GRAMD1A: variants seen among roughly 807,000 people sequenced by gnomAD.
The protein encoded by GRAMD1A is protein Aster-A.
A neutral mutation model predicts 92.0 loss-of-function variants in GRAMD1A; 50 were observed. That is an observed-to-expected ratio of 0.54 (90% CI 0.43 to 0.69). The LOEUF (loss-of-function observed/expected upper bound fraction) is 0.69. Among genes scored for constraint, GRAMD1A ranks in the 30% least tolerant of loss-of-function variants. The pLI, the probability that GRAMD1A is intolerant of heterozygous loss-of-function variation, is 0.00. For missense variants in GRAMD1A, 819 were observed against 978.9 expected (o/e 0.84, Z 2.18); for synonymous variants, 405 against 403.6 (o/e 1.00, Z -0.04).
In GRAMD1A at chr19:35,009,829, T is replaced by C. The variant is rs576214439; in HGVS notation, c.241-59T>C. ...GACTGAGGGGGTTCCAGGAGCTTTG[T>C]GGGGCAGCATTGGGAGTGTGAACCC... On this transcript the variant is annotated intron_variant, in intron 3 of 19. Transcript: ENST00000317991. 5 of 1,004,194 alleles carry C rather than the reference T, an allele frequency of 5.0e-6. No individual in the cohort carries two copies. The South Asian group carries it at 5.1e-5, about 10-fold the overall frequency. 62.2% of individuals were successfully genotyped at this position (1,004,194 alleles called of 1,614,324 possible). A position where few individuals can be genotyped will look rare whatever the true frequency, so the allele number is the denominator to read the frequency against.
At chr19:35,014,558 G>A in intron 10 of GRAMD1A, 171 bp downstream of exon 10, 1 of 641,516 alleles carries the variant, frequency 1.6e-6, no homozygotes, top group Non-Finnish European at 2.8e-6. Flanking sequence ...AAGGCAGCAT[G>A]GCAGGGTGAA....
intron 11 of GRAMD1A, 34 bp from the exon 12 acceptor site, chr19:35,019,157 T>C (rs1212087797): frequency 3.6e-6 from 5 of 1,402,694 alleles, no homozygotes; most frequent in Non-Finnish European, 5.0e-6. Flanking sequence ...AGGACTGGGG[T>C]GTGGCCTCCT....
rs775888159 is a variant in GRAMD1A, at chr19:35,019,171, G to A, written c.1214-20G>A. The A allele has an allele frequency of 2.0e-6, 3 of 1,534,454 alleles. No homozygotes were observed. The highest frequency in any genetic ancestry group is 2.7e-6 in the Non-Finnish European group (3 of 1,112,864). On this transcript the variant is annotated intron_variant, in intron 11 of 19. Transcript: ENST00000317991. ...AAGGACTGGGGTGTGGCCTCCTCAT[G>A]CTGCTCCTCCCTCCTCTAGACGTGA...
At chr19:35,020,619 G>A (rs1231000518) in intron 13 of GRAMD1A, among the ~76,000 whole-genome samples, 2 of 144,924 alleles carry the variant, frequency 1.4e-5, no homozygotes, top group East Asian at 2.0e-4. Context: ...TGATCACACC[G>A]TTGCACTTCA....
Position 35,013,733 on chromosome 19 carries a change from G to A in GRAMD1A, c.870+42G>A, listed in dbSNP as rs201232202. 12 of 1,558,472 alleles carry A rather than the reference G, an allele frequency of 7.7e-6. No individual in the cohort carries two copies. The highest frequency in any genetic ancestry group is 8.8e-6 in the Non-Finnish European group (10 of 1,142,784). ...AAGAGGGGTGGGATACTGATAGGAA[G>A]AGAGAGGAGGGCTGGGGGTGCAGTG... On this transcript the variant is annotated intron_variant, in intron 9 of 19. Transcript: ENST00000317991. The surrounding 1 kb of genome is among the most constrained non-coding windows in gnomAD (Gnocchi z 4.9).
At chr19:35,006,054 A>G (rs549339346) in intron 1 of GRAMD1A, 5 of 448,772 alleles carry the variant, frequency 1.1e-5, no homozygotes, top group African/African-American at 1.0e-4. Context: ...GGCCAGGTGC[A>G]GTGGCTCACA....
chr19:35,009,414 T>A lies in GRAMD1A; in HGVS notation c.220-9T>A. 6.2e-7 allele frequency: 1 copy of A among 1,614,038 alleles called. No homozygotes were observed. Among genetic ancestry groups the A allele is most frequent in the Non-Finnish European group, 8.5e-7 (1 of 1,179,996 alleles). Reference sequence around the variant, plus strand: ...GGGCTCATCCTGACTCCTCTCCTTTTCTTTGCAGAAGATGCAGAGCTGGTA... The same window carrying A: ...GGGCTCATCCTGACTCCTCTCCTTTACTTTGCAGAAGATGCAGAGCTGGTA... On this transcript the variant is annotated splice_polypyrimidine_tract_variant and intron_variant, in intron 2 of 19. Transcript: ENST00000317991.
In GRAMD1A at chr19:35,014,251, G is replaced by A; in HGVS notation, c.933G>A (p.Val311=). The change falls in exon 10 of 20, where the codon GTG becomes GTA. Residue 311 remains valine, a synonymous_variant. Coordinates refer to ENST00000317991, the MANE Select transcript of GRAMD1A (RefSeq NM_020895.5). ...SQPDASSSQT[V]TPVAEPPSTE... ...CAGACGCCTCCTCCAGCCAGACAGT[G>A]ACCCCGGTGGCTGAACCCCCGAGCA... is the stretch of plus-strand genomic sequence containing the variant. The A allele has an allele frequency of 1.2e-6, 2 of 1,614,138 alleles. No homozygotes were observed. Among genetic ancestry groups the A allele is most frequent in the Non-Finnish European group, 1.7e-6 (2 of 1,180,010 alleles).
At chr19:35,015,786 G>A (rs1344368590) in intron 10 of GRAMD1A, 38 bp from the exon 11 acceptor site, 1 of 1,599,908 alleles carries the variant, frequency 6.3e-7, no homozygotes, top group Admixed American at 1.7e-5. Context: ...AGGGAGGAGT[G>A]GAGGCAGTCA....
intron 1 of GRAMD1A, among the ~76,000 whole-genome samples, chr19:35,006,745 T>C (rs940780065): frequency 3.3e-5 from 5 of 152,208 alleles, no homozygotes; most frequent in African/African-American, 9.7e-5. Context: ...AGTTTTGGGC[T>C]CTAGGGACCC....
In GRAMD1A at chr19:35,010,070, T is replaced by A. The variant is rs745833574; in HGVS notation, c.326-22T>A. 4 of 1,557,524 alleles carry A rather than the reference T, an allele frequency of 2.6e-6. No homozygotes were observed. In the Admixed American group the frequency reaches 6.7e-5, roughly 26 times the overall value. ...GAGCCTCGTGACTTGGGTGTCCTCCTGTCTCTCCCCGCCCCTCTCAGATTA... is the reference window on the plus strand; with the variant it reads ...GAGCCTCGTGACTTGGGTGTCCTCCAGTCTCTCCCCGCCCCTCTCAGATTA... On this transcript the variant is annotated intron_variant, in intron 4 of 19. Coordinates refer to ENST00000317991, the MANE Select transcript of GRAMD1A (RefSeq NM_020895.5).
chr19:35,000,594 CG>C lies in GRAMD1A; in HGVS notation c.8+113del. On this transcript the variant is annotated intron_variant, in intron 1 of 19. Coordinates refer to ENST00000317991, the MANE Select transcript of GRAMD1A (RefSeq NM_020895.5). This position sits in a 1 kb window ranked among gnomAD's most constrained non-coding sequence, Gnocchi z 4.9. ...GGGGCGGAGCGGCCGCTGCAGAGGT[CG>C]GGGGCCTCTGCACATGGCTCTGGCC... The C allele has an allele frequency of 1.1e-5, 3 of 277,972 alleles. No individual in the cohort carries two copies. The highest frequency in any genetic ancestry group is 1.5e-5 in the Non-Finnish European group (3 of 202,286). 17.2% of individuals were successfully genotyped at this position (277,972 alleles called of 1,614,324 possible).
chr19:35,021,615 G>A lies in GRAMD1A; in HGVS notation c.1579+10G>A. On this transcript the variant is annotated intron_variant, in intron 14 of 19. Transcript: ENST00000317991. The surrounding 1 kb of genome is among the most constrained non-coding windows in gnomAD (Gnocchi z 5.3). ...TATTTCCACCATCTGGGTAGGGACA[G>A]AAGGCCGGCTGGGGCGTGGGTTGGG... 1 of 1,613,718 alleles carries A rather than the reference G, an allele frequency of 6.2e-7. No homozygotes were observed.
At chr19:35,006,263 A>T (rs1052333823) in intron 1 of GRAMD1A, among the ~76,000 whole-genome samples, 12 of 152,200 alleles carry the variant, frequency 7.9e-5, no homozygotes, top group African/African-American at 2.9e-4. Flanking sequence ...CGCAGGTTGC[A>T]CTGAGCTGAG....
At chr19:34,995,833 T>TAC (rs1179759222), upstream of GRAMD1A, among the ~76,000 whole-genome samples, 14 of 152,258 alleles carry the variant, frequency 9.2e-5, no homozygotes, top group South Asian at 1.7e-3. Context: ...TCCTTCTGCC[T>TAC]CAGCCTCCCA....
At chr19:35,009,400 G>A (rs777728294) in intron 2 of GRAMD1A, 23 bp from the exon 3 acceptor site, 26 of 1,614,000 alleles carry the variant, frequency 1.6e-5, no homozygotes, top group Non-Finnish European at 7.6e-6. Flanking sequence ...GGCTCATCCT[G>A]ACTCCTCTCC....
intron 1 of GRAMD1A, among the ~76,000 whole-genome samples, chr19:35,002,168 C>A (rs1235642029): frequency 2.6e-5 from 4 of 152,070 alleles, no homozygotes; most frequent in Non-Finnish European, 4.4e-5. Flanking sequence ...CCTTCTAAGA[C>A]CCTGGGAGTA....
At position 35,024,048 on chromosome 19, in the gene GRAMD1A, C is replaced by T. The variant is rs144514688; in HGVS notation, c.2082+501C>T. 1.7e-3 allele frequency among the ~76,000 whole-genome samples: 256 copies of T among 152,338 alleles called. 1 individual carries two copies. The Middle Eastern group carries it at 0.02, about 12-fold the overall frequency. On this transcript the variant is annotated intron_variant, in intron 19 of 19. Coordinates refer to ENST00000317991, the MANE Select transcript of GRAMD1A (RefSeq NM_020895.5). Reference sequence around the variant, plus strand: ...GGTCACATGGTCTGAAGGGGAGAGACTCTCCAAAGGACCTGAGGTCTCATC... The same window carrying T: ...GGTCACATGGTCTGAAGGGGAGAGATTCTCCAAAGGACCTGAGGTCTCATC...
chr19:35,010,113 G>A lies in GRAMD1A; in HGVS notation c.347G>A (p.Arg116His), dbSNP rs753099711. The A allele has an allele frequency of 5.0e-6, 8 of 1,610,464 alleles. No homozygotes were observed. In the African/African-American group the frequency reaches 5.3e-5, roughly 11 times the overall value. Residue 116 changes from arginine to histidine, a missense_variant, in exon 5 of 20, where the codon CGT (arginine) becomes CAT (histidine). Coordinates refer to ENST00000317991, the MANE Select transcript of GRAMD1A (RefSeq NM_020895.5). Reference sequence around the variant, plus strand: ...TCAGATTACTCCTGCGCCCTGCAGCGTGAGATCCTGCTCCAGGGCCGCCTC... The same window carrying A: ...TCAGATTACTCCTGCGCCCTGCAGCATGAGATCCTGCTCCAGGGCCGCCTC... ...LIVDYSCALQREILLQGRLYL... is the reference protein window; with the variant it reads ...LIVDYSCALQHEILLQGRLYL...
Sources: allele counts gnomAD v4.1 joint callset (sites outside exome capture counted in the v4.1 genomes callset), GRCh38; gene constraint gnomAD v4.1.1; non-coding constraint Gnocchi (gnomAD v3.1); transcripts MANE v1.5; gene names NCBI Gene and HGNC (gene_info 2026-07-23, HGNC 2026-07-21).